Variants in CSMD1 observed in about 807,000 individuals in gnomAD.
CSMD1 encodes CUB and sushi domain-containing protein 1.
CSMD1 carries 213 observed loss-of-function variants against 417.5 expected under a neutral mutation model. That is an observed-to-expected ratio of 0.51 (90% CI 0.46 to 0.57). The LOEUF (loss-of-function observed/expected upper bound fraction) is 0.57. CSMD1 is among the 20% of genes least tolerant of loss of function. The probability of loss-of-function intolerance (pLI) is 0.00; values close to 1 mark genes in which losing one functional copy is unlikely to be tolerated. For missense variants in CSMD1, 6,923 were observed against 4,529.7 expected (o/e 1.53, Z -15.17); for synonymous variants, 2,862 against 1,736.8 (o/e 1.65, Z -16.11).
chr8:3,243,198 C>T (rs1799657413), intron 26 of CSMD1, among the ~76,000 whole-genome samples: 1 of 152,056 alleles, frequency 6.6e-6, no homozygotes, highest in Non-Finnish European at 1.5e-5. Context: ...TGAGATGTTC[C>T]TTGGGGTGGT....
At chr8:3,401,705 A>G (rs1021810347) in intron 15 of CSMD1, among the ~76,000 whole-genome samples, 56 of 152,182 alleles carry the variant, frequency 3.7e-4, no homozygotes, top group African/African-American at 1.3e-3. Context: ...GCAGGTGGAA[A>G]AAGGTCTTAG....
At chr8:3,941,884 G>A (rs1247225498) in intron 5 of CSMD1, among the ~76,000 whole-genome samples, 1 of 152,046 alleles carries the variant, frequency 6.6e-6, no homozygotes, top group South Asian at 2.1e-4. Context: ...GTGTCAGTCT[G>A]TGCCCTTTTA....
chr8:3,344,611 T>C (rs1204412263), intron 22 of CSMD1, among the ~76,000 whole-genome samples: 1 of 152,174 alleles, frequency 6.6e-6, no homozygotes, highest in African/African-American at 2.4e-5. Context: ...AAATGTTCAG[T>C]TTGTCTTAAT....
chr8:3,404,156 A>T (rs1812208053), intron 15 of CSMD1, among the ~76,000 whole-genome samples: 1 of 152,028 alleles, frequency 6.6e-6, no homozygotes, highest in African/African-American at 2.4e-5. Context: ...CAACATGTTG[A>T]AACGTCCCCT....
intron 5 of CSMD1, among the ~76,000 whole-genome samples, chr8:3,869,802 G>C (rs1805358264): frequency 6.6e-6 from 1 of 152,054 alleles, no homozygotes; most frequent in African/African-American, 2.4e-5. Flanking sequence ...ATGGGAGCTT[G>C]CCAGATTTCC....
At chr8:3,807,405 C>A (rs914320529) in intron 5 of CSMD1, among the ~76,000 whole-genome samples, 2 of 149,364 alleles carry the variant, frequency 1.3e-5, no homozygotes, top group Non-Finnish European at 3.0e-5. Flanking sequence ...ATACTGTATT[C>A]AGCAGAGGAT....
intron 6 of CSMD1, among the ~76,000 whole-genome samples, chr8:3,715,957 C>T (rs1291585274): frequency 2.6e-5 from 4 of 152,212 alleles, no homozygotes; most frequent in Non-Finnish European, 4.4e-5. Flanking sequence ...GAGGAAACCC[C>T]TCAGATGAAC....
chr8:3,498,181 G>A (rs889276302), intron 10 of CSMD1, among the ~76,000 whole-genome samples: 3 of 152,106 alleles, frequency 2.0e-5, no homozygotes, highest in East Asian at 1.9e-4. Flanking sequence ...TAGTCTGGGA[G>A]CTTCTTGCTT....
At chr8:4,013,588 G>C (rs569704479) in intron 4 of CSMD1, among the ~76,000 whole-genome samples, 1 of 152,208 alleles carries the variant, frequency 6.6e-6, no homozygotes, top group Non-Finnish European at 1.5e-5. Context: ...TATTTCAACA[G>C]GACAGCAAAG....
At chr8:4,710,846 A>G (rs1485035770) in intron 1 of CSMD1, among the ~76,000 whole-genome samples, 1 of 151,634 alleles carries the variant, frequency 6.6e-6, no homozygotes, top group East Asian at 1.9e-4. Context: ...CTCTGTCTCA[A>G]AAATAATAAT....
chr8:4,818,694 GA>G (rs1799348009), intron 1 of CSMD1, among the ~76,000 whole-genome samples: 1 of 152,030 alleles, frequency 6.6e-6, no homozygotes, highest in South Asian at 2.1e-4. Flanking sequence ...ACATTTAGAT[GA>G]AAAAACAATC....
intron 3 of CSMD1, among the ~76,000 whole-genome samples, chr8:4,291,837 T>C (rs1200721154): frequency 1.3e-5 from 2 of 152,220 alleles, no homozygotes; most frequent in Non-Finnish European, 2.9e-5. Context: ...ATATGGCCTT[T>C]GCAAAATAAT....
intron 1 of CSMD1, among the ~76,000 whole-genome samples, chr8:4,671,258 G>A (rs536368996): frequency 1.3e-5 from 2 of 152,186 alleles, no homozygotes; most frequent in East Asian, 1.9e-4. Flanking sequence ...TAATTTCTTG[G>A]TGACTATTAG....
intron 3 of CSMD1, among the ~76,000 whole-genome samples, chr8:4,325,154 G>C (rs1317424814): frequency 6.6e-6 from 1 of 152,088 alleles, no homozygotes; most frequent in Non-Finnish European, 1.5e-5. Context: ...CAAGACACAG[G>C]GGAAAGAGGA....
chr8:4,448,673 C>T (rs945155570), intron 2 of CSMD1, among the ~76,000 whole-genome samples: 1 of 152,150 alleles, frequency 6.6e-6, no homozygotes. Flanking sequence ...TGACTTTCTT[C>T]TCAGTAGGAA....
chr8:3,486,260 T>A (rs1441760363), intron 11 of CSMD1, among the ~76,000 whole-genome samples: 1 of 129,774 alleles, frequency 7.7e-6, no homozygotes, highest in Non-Finnish European at 1.6e-5. Context: ...GTACTTTTAA[T>A]CTTTTTAAAA....
chr8:4,342,592 T>A (rs921547604), intron 3 of CSMD1, among the ~76,000 whole-genome samples: 7 of 151,828 alleles, frequency 4.6e-5, no homozygotes, highest in African/African-American at 1.7e-4. Context: ...ATAAGGTTAC[T>A]GGGAAAAAAA....
At chr8:4,593,484 G>A (rs1256579756) in intron 2 of CSMD1, among the ~76,000 whole-genome samples, 2 of 152,104 alleles carry the variant, frequency 1.3e-5, no homozygotes, top group African/African-American at 4.8e-5. Flanking sequence ...ACATAAAAGA[G>A]AACGCTTTTA....
At chr8:3,020,121 C>A (rs1397681136) in intron 51 of CSMD1, among the ~76,000 whole-genome samples, 11 of 152,182 alleles carry the variant, frequency 7.2e-5, no homozygotes, top group Non-Finnish European at 1.3e-4. Context: ...AGGAGCCAGG[C>A]AGCACTTGCC....
Sources: gnomAD v4.1 joint callset for allele counts (sites outside exome capture counted in the v4.1 genomes callset) on GRCh38, gnomAD v4.1.1 for gene constraint, MANE v1.5 for transcripts, NCBI Gene and HGNC (gene_info 2026-07-23, HGNC 2026-07-21) for gene names.